The following PIP5K1C variants were observed in gnomAD, a reference collection of about 807,000 sequenced individuals.
PIP5K1C encodes the protein phosphatidylinositol 4-phosphate 5-kinase type-1 gamma.
PIP5K1C carries 45 observed loss-of-function variants against 80.1 expected under a neutral mutation model. That is an observed-to-expected ratio of 0.56 (90% CI 0.44 to 0.72). The LOEUF (loss-of-function observed/expected upper bound fraction) is 0.72. Ranked by LOEUF, PIP5K1C falls within the 30% of genes least tolerant of loss-of-function variation. The probability of loss-of-function intolerance (pLI) is 0.00; values close to 1 mark genes in which losing one functional copy is unlikely to be tolerated. For missense variants in PIP5K1C, 753 were observed against 954.6 expected, an observed-to-expected ratio of 0.79 and a Z score of 2.78; for synonymous variants, 498 against 420.1, an observed-to-expected ratio of 1.19 and a Z score of -2.27.
chr19:3,698,818 G>A (rs2036204053), intron 1 of PIP5K1C, among the ~76,000 whole-genome samples: 4 of 152,134 alleles, frequency 2.6e-5, no homozygotes, highest in Admixed American at 2.6e-4. Context: ...GAGGAGTGAG[G>A]CAACTCTGAA....
intron 7 of PIP5K1C, 139 bp downstream of exon 7, chr19:3,653,151 C>A: frequency 1.4e-6 from 1 of 719,834 alleles, no homozygotes; most frequent in East Asian, 2.7e-5. Context: ...GGATCCCACA[C>A]TGGGGTGGGG....
Position 3,644,188 on chromosome 19 carries a change from C to T in PIP5K1C, c.1409G>A (p.Gly470Glu). 1.2e-6 allele frequency: 2 copies of T among 1,612,374 alleles called. No individual in the cohort carries two copies. Among genetic ancestry groups the T allele is most frequent in the African/African-American group, 1.3e-5 (1 of 75,032 alleles). Residue 470 changes from glycine (G) to glutamate (E), a missense_variant, in exon 12 of 18, where the codon GGG becomes GAG. Transcript: ENST00000335312. The part of the protein sequence containing the change: ...GGALLAVKPL[G>E]PTAAFSASQI... ...GCTGGCCGAGAAGGCAGCGGTGGGC[C>T]CCAGCGGTTTCACAGCTAGCAAGGC...
At chr19:3,660,804 T>C (rs1316100916) in intron 5 of PIP5K1C, among the ~76,000 whole-genome samples, 162 bp downstream of exon 5, 1 of 152,072 alleles carries the variant, frequency 6.6e-6, no homozygotes, top group African/African-American at 2.4e-5. Context: ...TCTCTCCTGC[T>C]TTCCCGGTGA....
chr19:3,700,006 G>A lies in PIP5K1C; in HGVS notation c.94+291C>T, dbSNP rs573987499. Among the ~76,000 whole-genome samples, 15 of 152,230 alleles carry A rather than the reference G, an allele frequency of 9.9e-5. No individual in the cohort carries two copies. The South Asian group carries it at 1.7e-3, about 17-fold the overall frequency. On this transcript the variant is annotated intron_variant, in intron 1 of 17. Coordinates refer to ENST00000335312, the MANE Select transcript of PIP5K1C (RefSeq NM_012398.3). Reference sequence around the variant, plus strand: ...CCCAAGCAGCCGCCACTCACACGACGGGCAGCCCCTGGGAGCGGGTCAGGC... The same window carrying A: ...CCCAAGCAGCCGCCACTCACACGACAGGCAGCCCCTGGGAGCGGGTCAGGC...
chr19:3,698,475 G>A (rs1444594767), intron 1 of PIP5K1C, among the ~76,000 whole-genome samples: 1 of 152,230 alleles, frequency 6.6e-6, no homozygotes. Context: ...CAGATGACCA[G>A]AGATAAAAAG....
At chr19:3,653,927 C>T (rs768344715) in intron 6 of PIP5K1C, among the ~76,000 whole-genome samples, 7 of 152,160 alleles carry the variant, frequency 4.6e-5, no homozygotes, top group Admixed American at 1.3e-4. Context: ...GTCTGGAGGC[C>T]GGAAACGCAA....
At chr19:3,693,441 C>T (rs1486586016) in intron 1 of PIP5K1C, among the ~76,000 whole-genome samples, 1 of 152,192 alleles carries the variant, frequency 6.6e-6, no homozygotes, top group Non-Finnish European at 1.5e-5. Flanking sequence ...CCGAGCTAAT[C>T]CCCTCAGGCT....
chr19:3,656,623 G>A (rs1168822164), intron 5 of PIP5K1C, 66 bp from the exon 6 acceptor site: 26 of 1,576,336 alleles, frequency 1.6e-5, no homozygotes, highest in Middle Eastern at 1.9e-4. Context: ...ACTGGCTTCC[G>A]GTCTGCCCAA....
rs752215755 is a variant in PIP5K1C at position 3,637,370 on chromosome 19, G to C, written c.1920+1514C>G. The C allele has an allele frequency of 2.6e-6, 4 of 1,535,340 alleles. No individual in the cohort carries two copies. The highest frequency in any genetic ancestry group is 1.2e-5 in the South Asian group (1 of 84,064). On this transcript the variant is annotated intron_variant, in intron 16 of 17. Coordinates refer to ENST00000335312, the MANE Select transcript of PIP5K1C (RefSeq NM_012398.3). This position sits in a 1 kb window ranked among gnomAD's most constrained non-coding sequence, Gnocchi z 7.0. ...AGTGACGCATGCAGCCCAGCGCCTG[G>C]TCCGGGGCCAGCGTGGCTGACCTCA...
intron 5 of PIP5K1C, among the ~76,000 whole-genome samples, chr19:3,660,262 C>T (rs1433747130): frequency 6.6e-6 from 1 of 152,026 alleles, no homozygotes; most frequent in Admixed American, 6.6e-5. Flanking sequence ...CACCTGTAGT[C>T]CCAGCTACTC....
intron 1 of PIP5K1C, among the ~76,000 whole-genome samples, chr19:3,699,049 C>T (rs556618502): frequency 6.6e-6 from 1 of 151,320 alleles, no homozygotes; most frequent in African/African-American, 2.4e-5. Context: ...TGAATGGTCG[C>T]GGTGTGGTTT....
intron 6 of PIP5K1C, among the ~76,000 whole-genome samples, chr19:3,654,033 G>A (rs543395298): frequency 1.3e-5 from 2 of 152,294 alleles, no homozygotes; most frequent in East Asian, 3.9e-4. Flanking sequence ...ACAGGGTCTC[G>A]CTCTGTCGCC....
chr19:3,658,547 C>A (rs563947395), intron 5 of PIP5K1C, among the ~76,000 whole-genome samples: 1 of 152,250 alleles, frequency 6.6e-6, no homozygotes, highest in African/African-American at 2.4e-5. Flanking sequence ...AGAGCGAAGG[C>A]GGGTCTCTCC....
intron 1 of PIP5K1C, among the ~76,000 whole-genome samples, chr19:3,695,084 G>C (rs1402450342): frequency 1.3e-5 from 2 of 152,220 alleles, no homozygotes; most frequent in African/African-American, 2.4e-5. Context: ...TTCGGGTGGG[G>C]TCTCACGTGG....
At chr19:3,685,146 A>C (rs1600081079) in intron 1 of PIP5K1C, among the ~76,000 whole-genome samples, 1 of 152,210 alleles carries the variant, frequency 6.6e-6, no homozygotes, top group Non-Finnish European at 1.5e-5. Flanking sequence ...GATAAAAGAC[A>C]TGATATGAAA....
chr19:3,658,534 C>G (rs991700588), intron 5 of PIP5K1C, among the ~76,000 whole-genome samples: 3 of 152,242 alleles, frequency 2.0e-5, no homozygotes, highest in African/African-American at 7.2e-5. Flanking sequence ...GGCGCAGCAG[C>G]GCAGAGCGAA....
At chr19:3,669,263 G>A (rs1390274713) in intron 1 of PIP5K1C, among the ~76,000 whole-genome samples, 4 of 152,178 alleles carry the variant, frequency 2.6e-5, no homozygotes, top group Admixed American at 6.5e-5. Context: ...GCCCTGCTCC[G>A]TAGGGCTCGG....
At chr19:3,681,152 G>T (rs2035577650) in intron 1 of PIP5K1C, among the ~76,000 whole-genome samples, 1 of 152,062 alleles carries the variant, frequency 6.6e-6, no homozygotes, top group Non-Finnish European at 1.5e-5. Context: ...GTGGGGGCGG[G>T]CAGGGTGTTC....
At chr19:3,667,208 T>C (rs1350587169) in intron 2 of PIP5K1C, 114 bp downstream of exon 2, 5 of 873,782 alleles carry the variant, frequency 5.7e-6, no homozygotes, top group East Asian at 2.6e-5. Flanking sequence ...TGGACGGCAT[T>C]TGGGGCCCAG....
Sources: gnomAD v4.1 joint callset for allele counts (sites outside exome capture counted in the v4.1 genomes callset) on GRCh38, gnomAD v4.1.1 for gene constraint, Gnocchi (gnomAD v3.1) non-coding constraint, MANE v1.5 for transcripts, NCBI Gene and HGNC (gene_info 2026-07-23, HGNC 2026-07-21) for gene names.